The following PLCB1 variants were observed in gnomAD, a reference collection of about 807,000 sequenced individuals.
The protein encoded by PLCB1 is 1-phosphatidylinositol 4,5-bisphosphate phosphodiesterase beta-1.
A neutral mutation model predicts 161.8 loss-of-function variants in PLCB1; 46 were observed. The observed-to-expected ratio is 0.28, with a 90% CI of 0.22 to 0.36. The LOEUF is 0.36. Ranked by LOEUF, PLCB1 falls within the 10% of genes least tolerant of loss-of-function variation. The pLI, the probability that PLCB1 is intolerant of heterozygous loss-of-function variation, is 1.00. For synonymous variants in PLCB1, 517 were observed against 503.7 expected (o/e 1.03, Z -0.35); for missense variants, 1,016 against 1,472.5 (o/e 0.69, Z 5.07).
rs139655680 is a variant in PLCB1 at position 8,357,010 on chromosome 20, G to GT, written c.178-14368dup. Among the ~76,000 whole-genome samples the GT allele has an allele frequency of 3.5e-3, 532 of 152,158 alleles. 5 individuals are homozygous for GT. Among genetic ancestry groups the GT allele is most frequent in the Middle Eastern group, 0.017 (5 of 294 alleles). On this transcript the variant is annotated intron_variant, in intron 2 of 31. Coordinates refer to ENST00000338037, the MANE Select transcript of PLCB1 (RefSeq NM_015192.4). ...AATTTGGAGGAAGATTTATTTTTAG[G>GT]TTTTACTTTCATCTGAGCAAGAAGA...
At chr20:8,319,074 G>C (rs1027192009) in intron 2 of PLCB1, among the ~76,000 whole-genome samples, 1 of 151,984 alleles carries the variant, frequency 6.6e-6, no homozygotes, top group Admixed American at 6.6e-5. Flanking sequence ...TTATATATAG[G>C]CACCCATACA....
intron 1 of PLCB1, among the ~76,000 whole-genome samples, chr20:8,147,544 A>T (rs2051465766): frequency 6.6e-6 from 1 of 152,226 alleles, no homozygotes; most frequent in Non-Finnish European, 1.5e-5. Flanking sequence ...GAATATAGAT[A>T]CTAGCAGCTA....
At chr20:8,816,528 A>G (rs1178150297) in intron 31 of PLCB1, among the ~76,000 whole-genome samples, 1 of 152,254 alleles carries the variant, frequency 6.6e-6, no homozygotes. Flanking sequence ...CTATCAAGCC[A>G]GAGAATAGAA....
chr20:8,661,182 C>G (rs1600232547), intron 9 of PLCB1, among the ~76,000 whole-genome samples: 1 of 152,222 alleles, frequency 6.6e-6, no homozygotes, highest in East Asian at 1.9e-4. Flanking sequence ...CTTAAACTTT[C>G]TTCTGTTTTC....
At chr20:8,703,065 A>C (rs1978458809) in intron 11 of PLCB1, among the ~76,000 whole-genome samples, 1 of 152,174 alleles carries the variant, frequency 6.6e-6, no homozygotes, top group African/African-American at 2.4e-5. Context: ...CACAGAAGGT[A>C]AGGATGCTAC....
chr20:8,541,611 A>AAGAAAGAAAGAAAGAAAGAAAGGAG, intron 3 of PLCB1, among the ~76,000 whole-genome samples: 1 of 150,146 alleles, frequency 6.7e-6, no homozygotes. Flanking sequence ...AAAGAAAGGA[A>AAGAAAGAAAGAAAGAAAGAAAGGAG]GGAAGATAGT....
At chr20:8,155,660 T>C (rs1172486834) in intron 2 of PLCB1, among the ~76,000 whole-genome samples, 1 of 152,156 alleles carries the variant, frequency 6.6e-6, no homozygotes, top group African/African-American at 2.4e-5. Flanking sequence ...TTTTTAGCAG[T>C]GGGGCTTTCT....
At chr20:8,759,239 C>T (rs1463567279) in intron 24 of PLCB1, among the ~76,000 whole-genome samples, 1 of 152,160 alleles carries the variant, frequency 6.6e-6, no homozygotes, top group East Asian at 1.9e-4. Flanking sequence ...GTGATACTCG[C>T]CTTTCTCAGT....
chr20:8,317,802 TAAAGA>T (rs574840545), intron 2 of PLCB1, among the ~76,000 whole-genome samples: 151 of 152,268 alleles, frequency 9.9e-4, no homozygotes, highest in Non-Finnish European at 1.4e-3. Context: ...ATTGTAGAAA[TAAAGA>T]AAAGAGTTAG....
At chr20:8,425,608 G>GGA (rs1358638102) in intron 3 of PLCB1, among the ~76,000 whole-genome samples, 1 of 151,610 alleles carries the variant, frequency 6.6e-6, no homozygotes, top group African/African-American at 2.4e-5. Flanking sequence ...TTCCACAAAC[G>GGA]GATTCTATTT....
chr20:8,757,509 T>C (rs1475872785), intron 24 of PLCB1, among the ~76,000 whole-genome samples: 1 of 152,212 alleles, frequency 6.6e-6, no homozygotes, highest in African/African-American at 2.4e-5. Flanking sequence ...GCCTTAGAAG[T>C]GCATTCTTAG....
At chr20:8,812,713 C>A (rs1453225670) in intron 31 of PLCB1, among the ~76,000 whole-genome samples, 1 of 152,150 alleles carries the variant, frequency 6.6e-6, no homozygotes, top group South Asian at 2.1e-4. Context: ...ATTTACCCAC[C>A]ATTTGGGAGA....
chr20:8,713,627 T>C (rs1364512972), intron 12 of PLCB1, among the ~76,000 whole-genome samples: 1 of 152,194 alleles, frequency 6.6e-6, no homozygotes, highest in Non-Finnish European at 1.5e-5. Flanking sequence ...TGTGTTGGAC[T>C]CTTCATTTTA....
intron 3 of PLCB1, among the ~76,000 whole-genome samples, chr20:8,453,032 C>A (rs1981143107): frequency 6.6e-6 from 1 of 152,192 alleles, no homozygotes; most frequent in South Asian, 2.1e-4. Flanking sequence ...TCTCTTTGAA[C>A]CCTGCCTGAC....
chr20:8,559,889 A>G (rs1986088312), intron 3 of PLCB1, among the ~76,000 whole-genome samples: 1 of 151,878 alleles, frequency 6.6e-6, no homozygotes, highest in Non-Finnish European at 1.5e-5. Flanking sequence ...AACTCTGCAA[A>G]TCCTCTTTTT....
intron 3 of PLCB1, among the ~76,000 whole-genome samples, chr20:8,401,696 G>A (rs1978558825): frequency 6.6e-6 from 1 of 152,142 alleles, no homozygotes; most frequent in African/African-American, 2.4e-5. Context: ...AACCATCTCA[G>A]CAAGAGGCCT....
At chr20:8,541,134 T>C (rs1322628757) in intron 3 of PLCB1, among the ~76,000 whole-genome samples, 1 of 152,162 alleles carries the variant, frequency 6.6e-6, no homozygotes, top group East Asian at 1.9e-4. Context: ...AGGTGAAGCA[T>C]AGACTGCTTA....
chr20:8,482,447 G>A (rs890013264), intron 3 of PLCB1, among the ~76,000 whole-genome samples: 1 of 152,078 alleles, frequency 6.6e-6, no homozygotes, highest in Non-Finnish European at 1.5e-5. Flanking sequence ...AGGATAAAAT[G>A]TGTATCTTTT....
chr20:8,612,687 TG>T (rs1568529466), intron 3 of PLCB1, among the ~76,000 whole-genome samples: 1 of 152,202 alleles, frequency 6.6e-6, no homozygotes, highest in Non-Finnish European at 1.5e-5. Context: ...TAGCCTCCCC[TG>T]TGCTCTTGAG....
Sources: allele counts gnomAD v4.1 joint callset (sites outside exome capture counted in the v4.1 genomes callset), GRCh38; gene constraint gnomAD v4.1.1; transcripts MANE v1.5; gene names NCBI Gene and HGNC (gene_info 2026-07-23, HGNC 2026-07-21).